DNAH7: variants seen among roughly 807,000 people sequenced by gnomAD.
The protein encoded by DNAH7 is dynein axonemal heavy chain 7.
DNAH7 carries 397 observed loss-of-function variants against 444.6 expected under a neutral mutation model. That is an observed-to-expected ratio of 0.89 (90% CI 0.82 to 0.97). DNAH7 has a LOEUF of 0.97. Among genes scored for constraint, DNAH7 ranks in the 50% least tolerant of loss-of-function variants. The pLI, the probability that DNAH7 is intolerant of heterozygous loss-of-function variation, is 0.00. For synonymous variants in DNAH7, 1,636 were observed against 1,624.4 expected (o/e 1.01, Z -0.17); for missense variants, 4,902 against 4,800.8 (o/e 1.02, Z -0.62).
In DNAH7 at chr2:195,774,808, G is replaced by T. The variant is rs193153342; in HGVS notation, c.11202+1038C>A. On this transcript the variant is annotated intron_variant, in intron 60 of 64. Transcript: ENST00000312428. ...TAAGCACTATACAAAAGTATTAACT[G>T]TTGCCATTTTTACTCTGAGATGCCA... Among the ~76,000 whole-genome samples the T allele has an allele frequency of 6.6e-5, 10 of 152,234 alleles. No homozygotes were observed. In the East Asian group the frequency reaches 1.9e-3, roughly 29 times the overall value.
At chr2:195,771,943 G>T in intron 60 of DNAH7, 53 bp from the exon 61 acceptor site, 1 of 1,422,474 alleles carries the variant, frequency 7.0e-7, no homozygotes, top group Non-Finnish European at 9.9e-7. Context: ...TCTAACAATA[G>T]CTGAATAGGA....
rs377707493 is a variant in DNAH7, at chr2:195,971,519, G to C, written c.2058+723C>G. Among the ~76,000 whole-genome samples the C allele has an allele frequency of 2.6e-4, 40 of 152,282 alleles. 1 individual carries two copies. The South Asian group carries it at 7.5e-3, about 28-fold the overall frequency. On this transcript the variant is annotated intron_variant, in intron 16 of 64. Coordinates refer to ENST00000312428, the MANE Select transcript of DNAH7 (RefSeq NM_018897.3). ...GTGAGAGCACAGGAGAGAACAAGTA[G>C]CACTGAGGTCTGCTGAGAGGGCTTC...
chr2:195,915,287 A>G (rs1247270011), intron 24 of DNAH7, among the ~76,000 whole-genome samples: 2 of 152,240 alleles, frequency 1.3e-5, no homozygotes, highest in Non-Finnish European at 2.9e-5. Context: ...GATGTTCCAA[A>G]GGATTAAGTA....
chr2:195,763,476 T>G (rs1271095099), intron 61 of DNAH7, among the ~76,000 whole-genome samples: 1 of 151,792 alleles, frequency 6.6e-6, no homozygotes, highest in Non-Finnish European at 1.5e-5. Flanking sequence ...CAACAAACCT[T>G]CAGCCAAACT....
intron 17 of DNAH7, among the ~76,000 whole-genome samples, chr2:195,967,808 G>T (rs1049942315): frequency 6.6e-6 from 1 of 152,158 alleles, no homozygotes; most frequent in Non-Finnish European, 1.5e-5. Flanking sequence ...ATTATTAAAT[G>T]CCTTGAGGTA....
rs199830438 is a variant in DNAH7, at chr2:196,047,389, G to A, written c.361C>T (p.Arg121Ter). The A allele has an allele frequency of 2.5e-4, 403 of 1,596,710 alleles. 3 individuals are homozygous for A. The Admixed American group carries it at 4.5e-3, about 18-fold the overall frequency. Reference sequence around the variant, plus strand: ...ACAAGAGTACTTCTAAAGTTTTCTCGTTCTTTATGTGGAGATTTGCCCTTT... The same window carrying A: ...ACAAGAGTACTTCTAAAGTTTTCTCATTCTTTATGTGGAGATTTGCCCTTT... ...KSKGKSPHKE[R>*]ENFRSTLVNV... is the part of the protein sequence containing the mutation. The change falls in exon 5 of 65, where the codon CGA becomes TGA. Residue 121 changes from arginine (R) to a stop codon, truncating the protein, a stop_gained. Transcript: ENST00000312428. LOFTEE classifies it high-confidence loss of function.
intron 51 of DNAH7, among the ~76,000 whole-genome samples, chr2:195,815,725 G>T (rs185447506): frequency 6.6e-6 from 1 of 152,252 alleles, no homozygotes; most frequent in East Asian, 1.9e-4. Context: ...TGTCTTGGCC[G>T]GGCATGGTGG....
At chr2:195,771,317 G>A (rs1412825156) in intron 61 of DNAH7, among the ~76,000 whole-genome samples, 1 of 151,976 alleles carries the variant, frequency 6.6e-6, no homozygotes, top group Non-Finnish European at 1.5e-5. Flanking sequence ...TCCAGTCTGG[G>A]TGACAGAGTG....
intron 23 of DNAH7, among the ~76,000 whole-genome samples, chr2:195,922,525 A>C (rs1304639445): frequency 6.6e-6 from 1 of 152,212 alleles, no homozygotes; most frequent in African/African-American, 2.4e-5. Flanking sequence ...AACTTCCCCA[A>C]GGTTATACAT....
intron 17 of DNAH7, among the ~76,000 whole-genome samples, chr2:195,969,342 G>C (rs1249572078): frequency 6.6e-6 from 1 of 152,144 alleles, no homozygotes; most frequent in Non-Finnish European, 1.5e-5. Flanking sequence ...TTCAATGTAA[G>C]AAAAATGATA....
At chr2:195,827,111 G>A (rs1224178398) in intron 48 of DNAH7, among the ~76,000 whole-genome samples, 1 of 152,168 alleles carries the variant, frequency 6.6e-6, no homozygotes, top group Non-Finnish European at 1.5e-5. Context: ...TACCCTGGAT[G>A]CAATGTGCCC....
At chr2:196,033,216 G>T (rs1462401478) in intron 5 of DNAH7, among the ~76,000 whole-genome samples, 1 of 151,882 alleles carries the variant, frequency 6.6e-6, no homozygotes, top group African/African-American at 2.4e-5. Context: ...ATGATTATAA[G>T]GTAAAAAGTG....
At chr2:196,033,182 T>C (rs1696167911) in intron 5 of DNAH7, among the ~76,000 whole-genome samples, 1 of 152,202 alleles carries the variant, frequency 6.6e-6, no homozygotes, top group African/African-American at 2.4e-5. Context: ...AATTTAACTG[T>C]AAATTGATGA....
Position 195,937,985 on chromosome 2 carries a change from G to T in DNAH7, c.3079-1193C>A, listed in dbSNP as rs1484560970. 3.3e-5 allele frequency among the ~76,000 whole-genome samples: 5 copies of T among 152,162 alleles called. No homozygotes were observed. In the East Asian group the frequency reaches 9.7e-4, roughly 29 times the overall value. On this transcript the variant is annotated intron_variant, in intron 19 of 64. Coordinates refer to ENST00000312428, the MANE Select transcript of DNAH7 (RefSeq NM_018897.3). ...TTAAAAACTAAATACTAAATTTCAA[G>T]ATTAACTAATTAGATATTTTTGGTA...
intron 19 of DNAH7, among the ~76,000 whole-genome samples, chr2:195,956,337 C>T (rs1196922435): frequency 6.6e-6 from 1 of 152,146 alleles, no homozygotes; most frequent in Non-Finnish European, 1.5e-5. Flanking sequence ...TGACACACAA[C>T]CATGCTTCCG....
At position 195,789,140 on chromosome 2, in the gene DNAH7, C is replaced by T. The variant is rs370659608; in HGVS notation, c.10717-1969G>A. Among the ~76,000 whole-genome samples, 10 of 152,168 alleles carry T rather than the reference C, an allele frequency of 6.6e-5. No homozygotes were observed. The East Asian group carries it at 1.4e-3, about 21-fold the overall frequency. On this transcript the variant is annotated intron_variant, in intron 57 of 64. Coordinates refer to ENST00000312428, the MANE Select transcript of DNAH7 (RefSeq NM_018897.3). ...ATCTTATGCCAGAAAGTAAGAGGTACTACTGCTACTAATCACCAGATAATA... is the reference window on the plus strand; with the variant it reads ...ATCTTATGCCAGAAAGTAAGAGGTATTACTGCTACTAATCACCAGATAATA...
chr2:195,982,187 T>C (rs192241462), intron 15 of DNAH7, among the ~76,000 whole-genome samples: 1 of 152,174 alleles, frequency 6.6e-6, no homozygotes, highest in Admixed American at 6.5e-5. Flanking sequence ...GAATAGATAT[T>C]TTTCAAAAGA....
Position 195,923,628 on chromosome 2 carries a change from A to G in DNAH7, c.3792T>C (p.Phe1264=). 1 of 1,614,146 alleles carries G rather than the reference A, an allele frequency of 6.2e-7. No homozygotes were observed. Among genetic ancestry groups the G allele is most frequent in the South Asian group, 1.1e-5 (1 of 91,082 alleles). The stretch of plus-strand genomic sequence containing the variant: ...AGTACCTAAGCTGACTTAACCATTC[A>G]AAGTCAGAGTCATCGCTAATATTTT... ...VKKNISDDSD[F]EWLSQLRYYW... The change falls in exon 23 of 65, where the codon TTT becomes TTC. Residue 1264 remains phenylalanine, a synonymous_variant. Transcript: ENST00000312428.
intron 3 of DNAH7, 138 bp from the exon 4 acceptor site, chr2:196,048,542 A>G: frequency 1.5e-6 from 1 of 685,900 alleles, no homozygotes; most frequent in South Asian, 2.0e-5. Context: ...TCAACAGTAG[A>G]TCTTATTCAA....
Sources: allele counts gnomAD v4.1 joint callset (sites outside exome capture counted in the v4.1 genomes callset), GRCh38; gene constraint gnomAD v4.1.1; transcripts MANE v1.5; gene names NCBI Gene and HGNC (gene_info 2026-07-23, HGNC 2026-07-21).